USP31: variants seen among roughly 807,000 people sequenced by gnomAD.
USP31 encodes ubiquitin carboxyl-terminal hydrolase 31.
Under a neutral mutation model 119.4 loss-of-function variants are expected in USP31, and 44 were observed. The ratio of observed to expected loss-of-function variants is 0.37; its 90% CI spans 0.29 to 0.47. USP31 has a LOEUF of 0.47. Ranked by LOEUF, USP31 falls within the 20% of genes least tolerant of loss-of-function variation. The pLI is 0.99. For synonymous variants in USP31, 749 were observed against 705.6 expected, an observed-to-expected ratio of 1.06 and a Z score of -0.97; for missense variants, 1,643 against 1,730.2, an observed-to-expected ratio of 0.95 and a Z score of 0.89.
Position 23,149,435 on chromosome 16 carries a change from G to T in USP31, c.-165C>A, listed in dbSNP as rs915466997. On this transcript the variant is annotated 5_prime_UTR_variant, in exon 1 of 16. Transcript: ENST00000219689. ...CAGCGAGCGAGCGGCGGCCGGCGGG[G>T]CCAGCGGGCGCGCGCGCGGTCCGCC... is the stretch of plus-strand genomic sequence containing the variant. 1.3e-5 allele frequency among the ~76,000 whole-genome samples: 2 copies of T among 148,176 alleles called. No homozygotes were observed. Among genetic ancestry groups the T allele is most frequent in the African/African-American group, 4.9e-5 (2 of 40,962 alleles).
intron 6 of USP31, among the ~76,000 whole-genome samples, chr16:23,095,036 G>A (rs553374379): frequency 1.4e-4 from 22 of 151,992 alleles, no homozygotes; most frequent in Non-Finnish European, 2.8e-4. Flanking sequence ...GGCTTCAGAA[G>A]GTTGGTTCTC....
Position 23,106,398 on chromosome 16 carries a change from C to T in USP31, c.860+1G>A. On this transcript the variant is annotated splice_donor_variant, in intron 3 of 15. Transcript: ENST00000219689. LOFTEE classifies it high-confidence loss of function. ...AGTGGAAACATCCGATTTTCTCATA[C>T]CTGTATTGCGCTTGAAAGAGTTCTT... The T allele has an allele frequency of 6.2e-7, 1 of 1,613,686 alleles. No individual in the cohort carries two copies. The highest frequency in any genetic ancestry group is 1.1e-5 in the South Asian group (1 of 90,982).
intron 13 of USP31, among the ~76,000 whole-genome samples, chr16:23,077,416 C>T (rs901721408): frequency 6.6e-6 from 1 of 152,210 alleles, no homozygotes; most frequent in East Asian, 1.9e-4. Context: ...AACCCCGGCC[C>T]TCCTGGAAGG....
intron 15 of USP31, 85 bp downstream of exon 15, chr16:23,071,960 A>C: frequency 1.3e-6 from 2 of 1,523,214 alleles, no homozygotes; most frequent in Non-Finnish European, 1.8e-6. Flanking sequence ...TCTCCTTGGG[A>C]CTTAGCTCCT....
intron 5 of USP31, among the ~76,000 whole-genome samples, chr16:23,102,856 G>A (rs570110668): frequency 6.6e-6 from 1 of 152,098 alleles, no homozygotes; most frequent in Non-Finnish European, 1.5e-5. Context: ...GTTATCTGGA[G>A]ATGATTTAAA....
At chr16:23,101,079 T>C (rs755702002) in intron 6 of USP31, among the ~76,000 whole-genome samples, 17 of 152,066 alleles carry the variant, frequency 1.1e-4, no homozygotes, top group Non-Finnish European at 2.1e-4. Context: ...CACTGGTAAA[T>C]CAATAGCATG....
In USP31 at chr16:23,149,224, C is replaced by T. The variant is rs7199608; in HGVS notation, c.47G>A (p.Ser16Asn). The T allele has an allele frequency of 7.3e-5, 83 of 1,133,018 alleles. No individual in the cohort carries two copies. Among genetic ancestry groups the T allele is most frequent in the African/African-American group, 5.0e-4 (30 of 60,078 alleles). The allele number at this position is 1,133,018 out of a possible 1,614,324, so 70.2% of individuals were successfully genotyped here. A position where few individuals can be genotyped will look rare whatever the true frequency, so the allele number is the denominator to read the frequency against. ...APGSGPPAAA[S>N]GKEKRSFSKR... The stretch of plus-strand genomic sequence containing the variant: ...GCTGAAGGAGCGCTTCTCCTTCCCG[C>T]TCGCCGCCGCCGGCGGCCCGGACCC... The change falls in exon 1 of 16, where the codon AGC becomes AAC. Residue 16 changes from serine to asparagine, a missense_variant. Transcript: ENST00000219689.
intron 6 of USP31, among the ~76,000 whole-genome samples, chr16:23,091,029 A>G (rs1901340935): frequency 6.6e-6 from 1 of 152,242 alleles, no homozygotes. Flanking sequence ...CCTATCTTAA[A>G]AACTGAAAAT....
At chr16:23,133,738 C>T (rs1903099980) in intron 1 of USP31, among the ~76,000 whole-genome samples, 3 of 152,104 alleles carry the variant, frequency 2.0e-5, no homozygotes, top group Non-Finnish European at 2.9e-5. Context: ...ATTCAGCAAA[C>T]GTGGTTACCT....
chr16:23,073,996 G>T, intron 13 of USP31, 116 bp from the exon 14 acceptor site: 1 of 1,355,302 alleles, frequency 7.4e-7, no homozygotes, highest in Non-Finnish European at 1.0e-6. Flanking sequence ...TTAAGGCTGC[G>T]TATAGCAACA....
At chr16:23,114,104 C>CAAA (rs543474229) in intron 1 of USP31, among the ~76,000 whole-genome samples, 2 of 135,406 alleles carry the variant, frequency 1.5e-5, no homozygotes, top group East Asian at 4.2e-4. Flanking sequence ...GACCCTTACT[C>CAAA]AAAAAAAAAA....
At chr16:23,133,842 G>C (rs1008907835) in intron 1 of USP31, among the ~76,000 whole-genome samples, 3 of 152,210 alleles carry the variant, frequency 2.0e-5, no homozygotes, top group Non-Finnish European at 2.9e-5. Flanking sequence ...TTGGGAGGAA[G>C]AGATGGGCAA....
At chr16:23,129,183 G>A (rs775269617) in intron 1 of USP31, among the ~76,000 whole-genome samples, 20 of 152,078 alleles carry the variant, frequency 1.3e-4, no homozygotes, top group Admixed American at 3.3e-4. Context: ...TGCTCTACTA[G>A]ACAAACACGC....
At chr16:23,074,247 G>A (rs779283662) in intron 13 of USP31, among the ~76,000 whole-genome samples, 15 of 152,080 alleles carry the variant, frequency 9.9e-5, no homozygotes, top group Non-Finnish European at 2.2e-4. Flanking sequence ...GCATCTAGTG[G>A]GTAGAGGCCA....
intron 7 of USP31, among the ~76,000 whole-genome samples, chr16:23,089,726 A>C (rs1197387640): frequency 1.3e-5 from 2 of 152,190 alleles, no homozygotes; most frequent in Admixed American, 1.3e-4. Flanking sequence ...AGTTACTTTA[A>C]AAGATAGTCT....
intron 1 of USP31, among the ~76,000 whole-genome samples, chr16:23,147,639 C>T (rs1383112097): frequency 2.0e-5 from 3 of 152,214 alleles, no homozygotes; most frequent in East Asian, 3.8e-4. Flanking sequence ...AAGGGCCATA[C>T]ATACCCCCAG....
intron 10 of USP31, 120 bp downstream of exon 10, chr16:23,085,465 G>T: frequency 2.2e-6 from 2 of 899,242 alleles, no homozygotes; most frequent in Non-Finnish European, 1.7e-6. Flanking sequence ...CAACACACCT[G>T]GATACTTAGC....
At chr16:23,093,391 C>T (rs2141856254) in intron 6 of USP31, among the ~76,000 whole-genome samples, 1 of 152,176 alleles carries the variant, frequency 6.6e-6, no homozygotes, top group Admixed American at 6.5e-5. Flanking sequence ...GACATTTCTC[C>T]AAAGAGAATA....
intron 1 of USP31, among the ~76,000 whole-genome samples, chr16:23,147,387 G>A (rs1359818085): frequency 6.6e-6 from 1 of 152,182 alleles, no homozygotes; most frequent in Admixed American, 6.5e-5. Flanking sequence ...AGGATTACAG[G>A]CATGAGCCAC....
Sources: gnomAD v4.1 joint callset for allele counts (sites outside exome capture counted in the v4.1 genomes callset) on GRCh38, gnomAD v4.1.1 for gene constraint, MANE v1.5 for transcripts, NCBI Gene and HGNC (gene_info 2026-07-23, HGNC 2026-07-21) for gene names.